CREB5: variants seen among roughly 807,000 people sequenced by gnomAD.
The protein encoded by CREB5 is cAMP responsive element binding protein 5.
CREB5 carries 19 observed loss-of-function variants against 57.1 expected under a neutral mutation model. That is an observed-to-expected ratio of 0.33 (90% CI 0.23 to 0.49). The LOEUF (loss-of-function observed/expected upper bound fraction) is 0.49, where lower values mean the gene tolerates loss of function less well. CREB5 is among the 20% of genes least tolerant of loss of function. The pLI, the probability that CREB5 is intolerant of heterozygous loss-of-function variation, is 0.99. For missense variants in CREB5, 579 were observed against 671.6 expected (o/e 0.86, Z 1.52); for synonymous variants, 238 against 238.3 (o/e 1.00, Z 0.01).
At chr7:28,731,703 T>G (rs1803644531) in intron 7 of CREB5, among the ~76,000 whole-genome samples, 1 of 152,184 alleles carries the variant, frequency 6.6e-6, no homozygotes, top group Non-Finnish European at 1.5e-5. Context: ...AGAGTGACCT[T>G]TCTAAGGTGA....
intron 7 of CREB5, among the ~76,000 whole-genome samples, chr7:28,798,552 G>A (rs560902621): frequency 1.1e-4 from 17 of 152,336 alleles, no homozygotes; most frequent in African/African-American, 3.8e-4. Flanking sequence ...GGCCACACTC[G>A]GATGGGAGGA....
At chr7:28,340,241 T>A (rs540343376) in intron 1 of CREB5, among the ~76,000 whole-genome samples, 1 of 150,736 alleles carries the variant, frequency 6.6e-6, no homozygotes, top group East Asian at 1.9e-4. Flanking sequence ...TTAGGAATGT[T>A]CTGGGTCACA....
chr7:28,619,290 C>T (rs770788311), intron 5 of CREB5, among the ~76,000 whole-genome samples: 1 of 152,184 alleles, frequency 6.6e-6, no homozygotes, highest in Non-Finnish European at 1.5e-5. Flanking sequence ...TGGCCTATAG[C>T]TTGGATCTGG....
At chr7:28,789,662 A>AT (rs1436450102) in intron 7 of CREB5, among the ~76,000 whole-genome samples, 2 of 152,224 alleles carry the variant, frequency 1.3e-5, no homozygotes, top group Non-Finnish European at 2.9e-5. Flanking sequence ...AGGGCTTACC[A>AT]TCTCTGCACA....
chr7:28,560,989 T>TGTGC (rs1795232642), intron 4 of CREB5, among the ~76,000 whole-genome samples: 1 of 34,758 alleles, frequency 2.9e-5, no homozygotes. Flanking sequence ...TGCGTGCGTG[T>TGTGC]GTGTGCCTGC....
intron 1 of CREB5, among the ~76,000 whole-genome samples, chr7:28,404,877 C>A (rs1310374705): frequency 6.6e-6 from 1 of 152,186 alleles, no homozygotes; most frequent in African/African-American, 2.4e-5. Context: ...TGCCTTCAGG[C>A]AGGCACTGGG....
At chr7:28,697,758 C>T (rs1239508120) in intron 5 of CREB5, among the ~76,000 whole-genome samples, 1 of 152,082 alleles carries the variant, frequency 6.6e-6, no homozygotes, top group Non-Finnish European at 1.5e-5. Flanking sequence ...TGTTCTTTGG[C>T]CTTAAGAGAT....
chr7:28,331,160 G>A (rs1034922011), intron 1 of CREB5, among the ~76,000 whole-genome samples: 1 of 152,044 alleles, frequency 6.6e-6, no homozygotes, highest in African/African-American at 2.4e-5. Context: ...TTTTGAGGGA[G>A]TTCTAGTTCA....
chr7:28,302,241 A>G (rs1488087737), intron 1 of CREB5, among the ~76,000 whole-genome samples: 2 of 152,190 alleles, frequency 1.3e-5, no homozygotes, highest in Non-Finnish European at 2.9e-5. Flanking sequence ...TATTTCATTA[A>G]TAATTTGAGG....
chr7:28,322,585 C>T (rs1189404095), intron 1 of CREB5, among the ~76,000 whole-genome samples: 1 of 151,794 alleles, frequency 6.6e-6, no homozygotes, highest in Non-Finnish European at 1.5e-5. Context: ...TCCTAATGCC[C>T]TCCCTCCCCC....
At chr7:28,514,406 A>ATTTTTT (rs1554335630) in intron 4 of CREB5, among the ~76,000 whole-genome samples, 8 of 151,676 alleles carry the variant, frequency 5.3e-5, no homozygotes, top group Admixed American at 2.0e-4. Flanking sequence ...TTTATTTTTT[A>ATTTTTT]TTTTTTGGAG....
intron 5 of CREB5, among the ~76,000 whole-genome samples, chr7:28,639,698 A>G (rs1366350233): frequency 6.6e-6 from 1 of 152,118 alleles, no homozygotes; most frequent in Admixed American, 6.5e-5. Context: ...GAGCCCTGAA[A>G]TCATGTCTTA....
rs1809618875 is a variant in CREB5, at chr7:28,819,179, A to G, written c.1427A>G (p.His476Arg). The change falls in exon 11 of 11, where the codon CAT (histidine) becomes CGT (arginine). Residue 476 changes from histidine (H) to arginine (R), a missense_variant. Physicochemically the swap from His to Arg is conservative, Grantham distance 29. Transcript: ENST00000357727. ...TGCTCCCAGCAACAAGTCATCCAGC[A>G]TAATACCATCACTACTTCCTCATCG... Reference protein sequence around the residue: ...PACSQQQVIQHNTITTSSSVS... With the variant: ...PACSQQQVIQRNTITTSSSVS... 6.2e-7 allele frequency: 1 copy of G among 1,613,924 alleles called. No individual in the cohort carries two copies. The highest frequency in any genetic ancestry group is 1.1e-5 in the South Asian group (1 of 91,068).
chr7:28,522,298 T>C (rs1255260178), intron 4 of CREB5, among the ~76,000 whole-genome samples: 1 of 152,110 alleles, frequency 6.6e-6, no homozygotes, highest in Non-Finnish European at 1.5e-5. Context: ...TGAAAAAATG[T>C]CCGGTGGAAG....
At chr7:28,765,463 C>T (rs1166331752) in intron 7 of CREB5, among the ~76,000 whole-genome samples, 1 of 152,146 alleles carries the variant, frequency 6.6e-6, no homozygotes, top group African/African-American at 2.4e-5. Context: ...GTTCTTTCTT[C>T]GTTTGGTATT....
chr7:28,373,445 C>CTTTTTT (rs10713296), intron 1 of CREB5, among the ~76,000 whole-genome samples: 1 of 136,272 alleles, frequency 7.3e-6, no homozygotes. Context: ...TTTCTTTTTT[C>CTTTTTT]TTTTTTTTTT....
intron 4 of CREB5, among the ~76,000 whole-genome samples, chr7:28,519,060 T>A (rs1011449147): frequency 3.9e-5 from 6 of 152,224 alleles, no homozygotes; most frequent in Non-Finnish European, 8.8e-5. Flanking sequence ...TTCTTTCTGA[T>A]GTTGACTACA....
At chr7:28,609,820 C>G (rs1374136318) in intron 5 of CREB5, among the ~76,000 whole-genome samples, 8 of 152,160 alleles carry the variant, frequency 5.3e-5, no homozygotes, top group Admixed American at 5.2e-4. Flanking sequence ...GCACAAGTGC[C>G]GTGGAGGATG....
At chr7:28,385,091 T>C (rs1787060238) in intron 1 of CREB5, among the ~76,000 whole-genome samples, 1 of 152,226 alleles carries the variant, frequency 6.6e-6, no homozygotes, top group South Asian at 2.1e-4. Flanking sequence ...GAAGTATGTA[T>C]AACTCATAGT....
Sources: gnomAD v4.1 joint callset for allele counts (sites outside exome capture counted in the v4.1 genomes callset) on GRCh38, gnomAD v4.1.1 for gene constraint, MANE v1.5 for transcripts, NCBI Gene and HGNC (gene_info 2026-07-23, HGNC 2026-07-21) for gene names.